OXNAD1: variants seen among roughly 807,000 people sequenced by gnomAD.
OXNAD1 encodes oxidoreductase NAD-binding domain-containing protein 1.
A neutral mutation model predicts 32.9 loss-of-function variants in OXNAD1; 34 were observed. The ratio of observed to expected loss-of-function variants is 1.03; its 90% CI spans 0.79 to 1.38. The LOEUF is 1.38. Ranked by LOEUF, OXNAD1 falls within the 40% of genes most tolerant of loss-of-function variation. The pLI is 0.00. For synonymous variants in OXNAD1, 134 were observed against 135.2 expected (o/e 0.99, Z 0.06); for missense variants, 407 against 379.4 (o/e 1.07, Z -0.60).
At chr3:16,333,119 A>G (rs1039523010) in intron 9 of OXNAD1, among the ~76,000 whole-genome samples, 19 of 152,244 alleles carry the variant, frequency 1.2e-4, no homozygotes, top group Non-Finnish European at 2.5e-4. Context: ...AAAGCACATC[A>G]TAGCATTCCT....
chr3:16,278,656 G>A (rs531761636), intron 4 of OXNAD1, among the ~76,000 whole-genome samples: 16 of 152,304 alleles, frequency 1.1e-4, no homozygotes, highest in African/African-American at 3.8e-4. Context: ...TCAGATCTTT[G>A]ATAATAAAAT....
At chr3:16,313,124 C>A (rs1266877197) in intron 9 of OXNAD1, among the ~76,000 whole-genome samples, 1 of 150,954 alleles carries the variant, frequency 6.6e-6, no homozygotes. Context: ...CAGCTCACTG[C>A]ACCCTCGACC....
At chr3:16,267,743 T>C (rs983680686) in intron 1 of OXNAD1, among the ~76,000 whole-genome samples, 3 of 152,250 alleles carry the variant, frequency 2.0e-5, no homozygotes, top group Non-Finnish European at 4.4e-5. Context: ...TCTCTGGAAC[T>C]GTAATAAAAG....
chr3:16,270,966 C>G lies in OXNAD1; in HGVS notation c.14C>G (p.Ala5Gly). 1 of 1,614,168 alleles carries G rather than the reference C, an allele frequency of 6.2e-7. No homozygotes were observed. The highest frequency in any genetic ancestry group is 8.5e-7 in the Non-Finnish European group (1 of 1,180,030). MACA[A>G]VMIPGLLRCS... ...CCAGAAAGCGCCATGGCCTGTGCTG[C>G]TGTTATGATTCCTGGGTTGTTGCGG... The change falls in exon 3 of 9, where the codon GCT (alanine) becomes GGT (glycine). Residue 5 changes from alanine (A) to glycine (G), a missense_variant. By Grantham distance (60) the Ala-to-Gly change is moderately conservative. Transcript: ENST00000285083.
downstream of OXNAD1, among the ~76,000 whole-genome samples, chr3:16,311,052 A>G (rs1012005289): frequency 6.6e-6 from 1 of 150,954 alleles, no homozygotes; most frequent in African/African-American, 2.4e-5. Context: ...GTCAGAACCA[A>G]GACAGTTGGT....
Position 16,271,861 on chromosome 3 carries a change from A to G in OXNAD1, c.183+139A>G. ...AAGTTTGTTATTTTTCTATTTAGAAATTTTCTGAGCAGGACATTTGATATC... is the reference window on the plus strand; with the variant it reads ...AAGTTTGTTATTTTTCTATTTAGAAGTTTTCTGAGCAGGACATTTGATATC... On this transcript the variant is annotated intron_variant, in intron 4 of 8. Transcript: ENST00000285083. This position sits in a 1 kb window ranked among gnomAD's most constrained non-coding sequence, Gnocchi z 4.6. The G allele has an allele frequency of 1.5e-5, 11 of 753,890 alleles. No individual in the cohort carries two copies. Among genetic ancestry groups the G allele is most frequent in the Non-Finnish European group, 2.3e-5 (11 of 471,402 alleles). 46.7% of individuals were successfully genotyped at this position (753,890 alleles called of 1,614,324 possible).
At chr3:16,309,410 A>G (rs2067800032), downstream of OXNAD1, among the ~76,000 whole-genome samples, 1 of 152,196 alleles carries the variant, frequency 6.6e-6, no homozygotes, top group African/African-American at 2.4e-5. Flanking sequence ...TCTAGCCAAC[A>G]TTAGATACCC....
In OXNAD1 at chr3:16,327,039, T is replaced by C. The variant is rs534434959; in HGVS notation, c.*31-10073T>C. Among the ~76,000 whole-genome samples the C allele has an allele frequency of 2.3e-4, 35 of 152,346 alleles. No individual in the cohort carries two copies. The East Asian group carries it at 4.8e-3, about 21-fold the overall frequency. On this transcript the variant is annotated intron_variant, in intron 9 of 9. Coordinates refer to the OXNAD1 transcript ENST00000435829. This position sits in a 1 kb window ranked among gnomAD's most constrained non-coding sequence, Gnocchi z 4.2. ...GATGCTTGCTGAAGACTTTAAAAGTTTGGAGTCAAACTGCCAACATGGGAT... is the reference window on the plus strand; with the variant it reads ...GATGCTTGCTGAAGACTTTAAAAGTCTGGAGTCAAACTGCCAACATGGGAT...
Position 16,348,509 on chromosome 3 carries a change from C to T in OXNAD1, c.*31-667C>T, listed in dbSNP as rs2071884442. Among the ~76,000 whole-genome samples the T allele has an allele frequency of 2.0e-5, 3 of 152,158 alleles. No individual in the cohort carries two copies. In the South Asian group the frequency reaches 6.2e-4, roughly 32 times the overall value. ...ATACCCAGCTGGAGCCCACTGTGTC[C>T]AGGAGGCCTTGTTCAGTCTCTGCTC... On this transcript the variant is annotated intron_variant, in intron 9 of 9. Coordinates refer to the OXNAD1 transcript ENST00000606098. This position sits in a 1 kb window ranked among gnomAD's most constrained non-coding sequence, Gnocchi z 6.3.
In OXNAD1 at chr3:16,265,230, A is replaced by T; in HGVS notation, c.-434A>T. On this transcript the variant is annotated 5_prime_UTR_variant, in exon 1 of 9. Transcript: ENST00000285083. The surrounding 1 kb of genome is among the most constrained non-coding windows in gnomAD (Gnocchi z 4.8). ...CCGCGGAGTATTCCAGGCGCCTGCAACTAAACGTGGCCGGGTCTGCAAGCT... is the reference window on the plus strand; with the variant it reads ...CCGCGGAGTATTCCAGGCGCCTGCATCTAAACGTGGCCGGGTCTGCAAGCT... 2 of 274,022 alleles carry T rather than the reference A, an allele frequency of 7.3e-6. No individual in the cohort carries two copies. The highest frequency in any genetic ancestry group is 1.1e-4 in the South Asian group (2 of 17,462). 17.0% of individuals were successfully genotyped at this position (274,022 alleles called of 1,614,324 possible).
downstream of OXNAD1, among the ~76,000 whole-genome samples, chr3:16,340,132 C>T (rs180810822): frequency 2.0e-5 from 3 of 152,130 alleles, no homozygotes; most frequent in African/African-American, 4.8e-5. Flanking sequence ...TGTTTCTTCC[C>T]TGTTTCTGTT....
rs2067020469 is a variant in OXNAD1 at position 16,299,375 on chromosome 3, TTTAG to T, written c.433-2247_433-2244del. On this transcript the variant is annotated intron_variant, in intron 6 of 8. Coordinates refer to ENST00000285083, the MANE Select transcript of OXNAD1 (RefSeq NM_138381.5). This position sits in a 1 kb window ranked among gnomAD's most constrained non-coding sequence, Gnocchi z 4.4. ...GTAGCCACTGTAGCAGTTCCTAGATTTTAGTTATTCCTAACTGAATGCTCCCTTG... is the reference window on the plus strand; with the variant it reads ...GTAGCCACTGTAGCAGTTCCTAGATTTTATTCCTAACTGAATGCTCCCTTG... Among the ~76,000 whole-genome samples, 1 of 152,186 alleles carries T rather than the reference TTTAG, an allele frequency of 6.6e-6. No homozygotes were observed. Among genetic ancestry groups the T allele is most frequent in the Non-Finnish European group, 1.5e-5 (1 of 68,034 alleles).
chr3:16,272,115 T>C (rs535128088), intron 4 of OXNAD1: 154 of 430,370 alleles, frequency 3.6e-4, no homozygotes, highest in African/African-American at 2.9e-3. Context: ...GCGTCACATC[T>C]CAAAGTTCTT....
At chr3:16,347,446 G>A (rs1230177412) in intron 9 of OXNAD1, among the ~76,000 whole-genome samples, 1 of 152,190 alleles carries the variant, frequency 6.6e-6, no homozygotes, top group East Asian at 1.9e-4. Flanking sequence ...TGGAGGCTAG[G>A]GGGAGAATCC....
chr3:16,286,292 T>A (rs769961949), intron 4 of OXNAD1, 50 bp from the exon 5 acceptor site: 5 of 1,407,614 alleles, frequency 3.6e-6, no homozygotes, highest in Non-Finnish European at 4.0e-6. Flanking sequence ...CATTTGTCCC[T>A]TGTGCTGTGT....
At chr3:16,333,530 T>C (rs969928672) in intron 9 of OXNAD1, among the ~76,000 whole-genome samples, 23 of 152,204 alleles carry the variant, frequency 1.5e-4, no homozygotes, top group Non-Finnish European at 2.5e-4. Context: ...AGAAAAGAAA[T>C]AGATGCCTGT....
Position 16,303,347 on chromosome 3 carries a change from T to C in OXNAD1, c.785-61T>C. On this transcript the variant is annotated intron_variant, in intron 8 of 8. Coordinates refer to ENST00000285083, the MANE Select transcript of OXNAD1 (RefSeq NM_138381.5). The surrounding 1 kb of genome is among the most constrained non-coding windows in gnomAD (Gnocchi z 4.8). ...CTGTATCTGAATTGTGGTTAGTCCT[T>C]CCTCATTTGCTGATACAACCATGTC... 6.4e-7 allele frequency: 1 copy of C among 1,572,152 alleles called. No homozygotes were observed. Among genetic ancestry groups the C allele is most frequent in the Non-Finnish European group, 8.7e-7 (1 of 1,148,390 alleles).
downstream of OXNAD1, among the ~76,000 whole-genome samples, chr3:16,351,305 C>G (rs752462160): frequency 4.6e-5 from 7 of 152,134 alleles, no homozygotes; most frequent in Non-Finnish European, 7.4e-5. This position sits in a 1 kb window ranked among gnomAD's most constrained non-coding sequence, Gnocchi z 5.4. Flanking sequence ...CAGTCAGGAG[C>G]CTCCATACAT....
rs1471105857 is a variant in OXNAD1 at position 16,322,364 on chromosome 3, C to T, written c.*31-14748C>T. 6.6e-6 allele frequency among the ~76,000 whole-genome samples: 1 copy of T among 152,234 alleles called. No individual in the cohort carries two copies. The highest frequency in any genetic ancestry group is 1.5e-5 in the Non-Finnish European group (1 of 68,048). On this transcript the variant is annotated intron_variant, in intron 9 of 9. Coordinates refer to the OXNAD1 transcript ENST00000435829. The surrounding 1 kb of genome is among the most constrained non-coding windows in gnomAD (Gnocchi z 6.2). ...GTTGTTGGCTGGTGAGGGGCTGCTC[C>T]AATCTGTTCATTTACTTGATGCTCC...
Sources: allele counts gnomAD v4.1 joint callset (sites outside exome capture counted in the v4.1 genomes callset), GRCh38; gene constraint gnomAD v4.1.1; non-coding constraint Gnocchi (gnomAD v3.1); transcripts MANE v1.5; gene names NCBI Gene and HGNC (gene_info 2026-07-23, HGNC 2026-07-21).